The following STPG2 variants were observed in gnomAD, a reference collection of about 807,000 sequenced individuals.
STPG2 encodes sperm tail PG-rich repeat containing 2.
In STPG2, 56 loss-of-function variants were observed where a neutral mutation model predicts 54.2. The ratio of observed to expected loss-of-function variants is 1.03; its 90% confidence interval spans 0.83 to 1.29. STPG2 has a LOEUF of 1.29. Ranked by LOEUF, STPG2 falls within the 50% of genes most tolerant of loss-of-function variation. STPG2 has a pLI of 0.00. For synonymous variants in STPG2, 200 were observed against 181.8 expected (o/e 1.10, Z -0.81); for missense variants, 596 against 544.9 (o/e 1.09, Z -0.93).
At chr4:97,877,755 G>T (rs185946734) in intron 8 of STPG2, among the ~76,000 whole-genome samples, 1 of 151,848 alleles carries the variant, frequency 6.6e-6, no homozygotes, top group East Asian at 1.9e-4. Context: ...TCCACCCCTG[G>T]CCCCTCCCAA....
chr4:98,140,146 A>T (rs1187688468), intron 1 of STPG2, among the ~76,000 whole-genome samples: 1 of 152,216 alleles, frequency 6.6e-6, no homozygotes, highest in African/African-American at 2.4e-5. Flanking sequence ...GTGAAGAAAG[A>T]AAACAGTGTA....
chr4:97,868,587 T>C (rs1313105308), intron 8 of STPG2, among the ~76,000 whole-genome samples: 2 of 151,868 alleles, frequency 1.3e-5, no homozygotes, highest in Admixed American at 1.3e-4. Context: ...TCCTGTCAAA[T>C]TTCTGTTTTG....
chr4:98,118,460 G>C (rs1394216953), intron 3 of STPG2, among the ~76,000 whole-genome samples: 1 of 152,078 alleles, frequency 6.6e-6, no homozygotes, highest in African/African-American at 2.4e-5. Context: ...TCTTACTGTG[G>C]AAGTAGCGAG....
At chr4:97,480,384 GTGTAAT>G (rs1191014580) in intron 4 of STPG2, among the ~76,000 whole-genome samples, 1 of 151,444 alleles carries the variant, frequency 6.6e-6, no homozygotes, top group Admixed American at 6.6e-5. Context: ...TTTATCAGAC[GTGTAAT>G]AGAAAATAAT....
chr4:97,736,659 G>A (rs1430009307), intron 9 of STPG2, among the ~76,000 whole-genome samples: 2 of 152,164 alleles, frequency 1.3e-5, no homozygotes, highest in African/African-American at 4.8e-5. Flanking sequence ...GCTAGGGGAG[G>A]GGCACCTGTC....
At chr4:97,964,652 C>A (rs950472579) in intron 7 of STPG2, among the ~76,000 whole-genome samples, 3 of 152,052 alleles carry the variant, frequency 2.0e-5, no homozygotes, top group African/African-American at 7.2e-5. Context: ...TTAAGGGCAA[C>A]AGATTTCAAA....
At chr4:97,477,358 G>C (rs145641475) in intron 4 of STPG2, among the ~76,000 whole-genome samples, 1 of 151,854 alleles carries the variant, frequency 6.6e-6, no homozygotes, top group African/African-American at 2.4e-5. Context: ...GATGCCATTA[G>C]TTCTAGGGAT....
chr4:97,953,054 A>T (rs1472032482), intron 7 of STPG2, among the ~76,000 whole-genome samples: 1 of 152,142 alleles, frequency 6.6e-6, no homozygotes, highest in Non-Finnish European at 1.5e-5. Flanking sequence ...AGAGCTCCCA[A>T]ACATTTCTGT....
At chr4:97,521,119 G>A (rs1578359476) in intron 4 of STPG2, among the ~76,000 whole-genome samples, 2 of 151,982 alleles carry the variant, frequency 1.3e-5, no homozygotes, top group African/African-American at 2.4e-5. Context: ...TTATTAAACA[G>A]TATATTGCAA....
chr4:97,854,967 C>A lies in STPG2; in HGVS notation c.1045-14035G>T, dbSNP rs1262832973. On this transcript the variant is annotated intron_variant, in intron 8 of 10. Coordinates refer to ENST00000295268, the MANE Select transcript of STPG2 (RefSeq NM_174952.3). ...CCACCATGTGTCCACGTGTTCTCATCGTTCAGCTCCCACTTACAAGTGAGA... is the reference window on the plus strand; with the variant it reads ...CCACCATGTGTCCACGTGTTCTCATAGTTCAGCTCCCACTTACAAGTGAGA... Among the ~76,000 whole-genome samples the A allele has an allele frequency of 3.3e-5, 5 of 152,280 alleles. No homozygotes were observed. The East Asian group carries it at 9.7e-4, about 29-fold the overall frequency.
chr4:97,962,880 G>A (rs146967263), intron 7 of STPG2, among the ~76,000 whole-genome samples: 14 of 152,258 alleles, frequency 9.2e-5, no homozygotes, highest in Non-Finnish European at 1.6e-4. Context: ...TATAATTCTG[G>A]CTGGGTGTGG....
chr4:97,844,140 G>A (rs1728879031), intron 8 of STPG2, among the ~76,000 whole-genome samples: 1 of 151,686 alleles, frequency 6.6e-6, no homozygotes, highest in South Asian at 2.1e-4. Flanking sequence ...TTCATTCAAG[G>A]CTCACTGCTA....
At chr4:97,543,247 A>C (rs1371657869) in intron 4 of STPG2, among the ~76,000 whole-genome samples, 1 of 151,684 alleles carries the variant, frequency 6.6e-6, no homozygotes, top group Non-Finnish European at 1.5e-5. Flanking sequence ...GTTTATAAAG[A>C]AAAAGCTCCC....
chr4:97,899,454 C>A (rs544125092), intron 8 of STPG2, among the ~76,000 whole-genome samples: 1 of 151,932 alleles, frequency 6.6e-6, no homozygotes, highest in South Asian at 2.1e-4. Flanking sequence ...ATTTTCTTCA[C>A]TGAACTAGAA....
At chr4:97,452,555 C>T (rs1412033373) in intron 4 of STPG2, among the ~76,000 whole-genome samples, 1 of 152,142 alleles carries the variant, frequency 6.6e-6, no homozygotes, top group African/African-American at 2.4e-5. Context: ...CAGGCTCAGC[C>T]AGAGCTGAGC....
At chr4:97,518,179 C>G (rs1011285224) in intron 4 of STPG2, among the ~76,000 whole-genome samples, 1 of 152,088 alleles carries the variant, frequency 6.6e-6, no homozygotes, top group South Asian at 2.1e-4. Flanking sequence ...AGTTCTATTA[C>G]AATAATTATC....
At chr4:97,565,663 C>T (rs1321807156) in intron 10 of STPG2, among the ~76,000 whole-genome samples, 8 of 152,182 alleles carry the variant, frequency 5.3e-5, no homozygotes, top group Admixed American at 3.3e-4. Context: ...ACAGGATCCT[C>T]AGCTGCAGGT....
intron 8 of STPG2, among the ~76,000 whole-genome samples, chr4:97,859,978 G>A (rs1203542452): frequency 6.6e-6 from 1 of 152,144 alleles, no homozygotes; most frequent in Non-Finnish European, 1.5e-5. Flanking sequence ...TTGTTGAGCA[G>A]GGTTCCTTCT....
intron 8 of STPG2, among the ~76,000 whole-genome samples, chr4:97,902,406 G>C (rs1731213476): frequency 6.6e-6 from 1 of 152,082 alleles, no homozygotes; most frequent in African/African-American, 2.4e-5. Context: ...CTACATACCT[G>C]ATAAGGGTTA....
Sources: gnomAD v4.1 joint callset for allele counts (sites outside exome capture counted in the v4.1 genomes callset) on GRCh38, gnomAD v4.1.1 for gene constraint, MANE v1.5 for transcripts, NCBI Gene and HGNC (gene_info 2026-07-23, HGNC 2026-07-21) for gene names.